Variants in DNAI4 observed in about 807,000 individuals in gnomAD.
The protein encoded by DNAI4 is WD repeat domain 78.
A neutral mutation model predicts 105.8 loss-of-function variants in DNAI4; 85 were observed. The ratio of observed to expected loss-of-function variants is 0.80; its 90% confidence interval spans 0.67 to 0.96. The LOEUF (loss-of-function observed/expected upper bound fraction) is 0.96. Ranked by LOEUF, DNAI4 falls within the 40% of genes least tolerant of loss-of-function variation. The probability of loss-of-function intolerance (pLI) is 0.00; values close to 1 mark genes in which losing one functional copy is unlikely to be tolerated. For missense variants in DNAI4, 1,014 were observed against 1,005.6 expected (o/e 1.01, Z -0.11); for synonymous variants, 352 against 331.5 (o/e 1.06, Z -0.67).
At chr1:66,851,709 G>A (rs1258325116) in intron 7 of DNAI4, among the ~76,000 whole-genome samples, 3 of 151,638 alleles carry the variant, frequency 2.0e-5, no homozygotes, top group Admixed American at 6.6e-5. Context: ...GAAGTCTCAA[G>A]GGAAATAAAA....
chr1:66,913,595 G>A (rs1396826014), intron 1 of DNAI4, among the ~76,000 whole-genome samples: 1 of 152,050 alleles, frequency 6.6e-6, no homozygotes, highest in Non-Finnish European at 1.5e-5. Context: ...TTTTAAAAAT[G>A]GCTTGCCCAG....
chr1:66,878,886 C>G (rs1647010878), intron 4 of DNAI4, among the ~76,000 whole-genome samples: 7 of 152,074 alleles, frequency 4.6e-5, no homozygotes, highest in Admixed American at 4.6e-4. Flanking sequence ...ATCTTATAGC[C>G]TCTACTCATT....
At chr1:66,912,757 T>G (rs1048921422) in intron 1 of DNAI4, among the ~76,000 whole-genome samples, 15 of 152,308 alleles carry the variant, frequency 9.8e-5, no homozygotes, top group Admixed American at 7.8e-4. Context: ...CTCAAATTTT[T>G]GGGGTTCACA....
At position 66,840,607 on chromosome 1, in the gene DNAI4, T is replaced by C. The variant is rs972494098; in HGVS notation, c.1356A>G (p.Glu452=). ...TTTCTTCTTCCTCCTCCTTCTTAGA[T>C]TCTTCCTCTACCTCTTCATGTTTTG... ...ESAKHEEVEE[E]SKKEEEEEIH... Residue 452 remains glutamate (E), a synonymous_variant, in exon 9 of 17, where the codon GAA becomes GAG. Coordinates refer to ENST00000371026, the MANE Select transcript of DNAI4 (RefSeq NM_024763.5). 2.5e-6 allele frequency: 4 copies of C among 1,614,078 alleles called. No homozygotes were observed. In the African/African-American group the frequency reaches 4.0e-5, roughly 16 times the overall value.
At chr1:66,881,031 G>A (rs1024310899) in intron 4 of DNAI4, among the ~76,000 whole-genome samples, 10 of 152,222 alleles carry the variant, frequency 6.6e-5, no homozygotes, top group African/African-American at 2.4e-4. Context: ...AGCCTTGGCA[G>A]CTTCCATGTG....
intron 1 of DNAI4, among the ~76,000 whole-genome samples, chr1:66,915,455 C>A (rs1180943360): frequency 6.6e-6 from 1 of 152,080 alleles, no homozygotes; most frequent in Non-Finnish European, 1.5e-5. Context: ...AACTTTAAAT[C>A]ATGACTACTG....
intron 7 of DNAI4, among the ~76,000 whole-genome samples, chr1:66,859,308 T>C (rs1183971711): frequency 6.6e-6 from 1 of 151,990 alleles, no homozygotes; most frequent in Non-Finnish European, 1.5e-5. Context: ...AAATACCAAA[T>C]GCTGGCAAGA....
In DNAI4 at chr1:66,893,037, AAGAAAGAAAGAAAGAAAGAGAGAGAG is replaced by A. The variant is rs1647886303; in HGVS notation, c.530+166_530+191del. On this transcript the variant is annotated intron_variant, in intron 3 of 16. Transcript: ENST00000371026. ...AGGAAAGAAAGAAAGAAAGAGAGGA[AAGAAAGAAAGAAAGAAAGAGAGAGAG>A]AGAAAGAAAGAAAGAAAGAAAGAAA... 4.4e-5 allele frequency among the ~76,000 whole-genome samples: 5 copies of A among 112,728 alleles called. 1 individual carries two copies. The highest frequency in any genetic ancestry group is 8.7e-5 in the Admixed American group (1 of 11,488). 74.0% of individuals were successfully genotyped at this position (112,728 alleles called of 152,430 possible). A position where few individuals can be genotyped will look rare whatever the true frequency, so the allele number is the denominator to read the frequency against.
chr1:66,862,412 C>A, intron 6 of DNAI4, 110 bp from the exon 7 acceptor site: 1 of 1,195,112 alleles, frequency 8.4e-7, no homozygotes, highest in Non-Finnish European at 1.2e-6. Context: ...CTACTATTGC[C>A]TGATGCAGTT....
chr1:66,867,465 CTT>C (rs1646756770), intron 6 of DNAI4, among the ~76,000 whole-genome samples: 1 of 151,918 alleles, frequency 6.6e-6, no homozygotes, highest in Non-Finnish European at 1.5e-5. Flanking sequence ...TTTTCCATCT[CTT>C]TGTTTTTCTT....
Position 66,813,087 on chromosome 1 carries a change from T to C in DNAI4, c.*1043A>G, listed in dbSNP as rs1194347555. On this transcript the variant is annotated 3_prime_UTR_variant, in exon 17 of 17. Transcript: ENST00000371026. Reference sequence around the variant, plus strand: ...GATTGGTCCAAACAAATGGAGTTTATGAAGCAATGGATACTTGTAAAAGGT... The same window carrying C: ...GATTGGTCCAAACAAATGGAGTTTACGAAGCAATGGATACTTGTAAAAGGT... The C allele has an allele frequency of 6.6e-6, 1 of 152,358 alleles. No homozygotes were observed. The highest frequency in any genetic ancestry group is 1.5e-5 in the Non-Finnish European group (1 of 68,046). The allele number at this position is 152,358 out of a possible 1,614,324, so 9.4% of individuals were successfully genotyped here. A position where few individuals can be genotyped will look rare whatever the true frequency, so the allele number is the denominator to read the frequency against.
chr1:66,903,825 T>C (rs1280241929), intron 2 of DNAI4, among the ~76,000 whole-genome samples: 1 of 152,158 alleles, frequency 6.6e-6, no homozygotes, highest in Non-Finnish European at 1.5e-5. Context: ...CCTTGCTCAG[T>C]TGCCCTGGCT....
intron 7 of DNAI4, chr1:66,860,778 T>A (rs1237248890): frequency 6.6e-6 from 1 of 152,150 alleles, no homozygotes; most frequent in African/African-American, 2.4e-5. Context: ...AAAGTCCCAG[T>A]GTAATTTCCA....
In DNAI4 at chr1:66,821,325, C is replaced by T. The variant is rs183197835; in HGVS notation, c.2496+1036G>A. 9.3e-4 allele frequency among the ~76,000 whole-genome samples: 142 copies of T among 152,124 alleles called. 4 individuals are homozygous for T. The East Asian group carries it at 0.026, about 27-fold the overall frequency. On this transcript the variant is annotated intron_variant, in intron 16 of 16. Transcript: ENST00000371026. ...TATTGGCCAGGCTGCTCTTGAACTC[C>T]TGACCTCAAGTGATGCACCTGCCTC...
At chr1:66,834,743 T>C (rs1164456269) in intron 11 of DNAI4, among the ~76,000 whole-genome samples, 1 of 152,150 alleles carries the variant, frequency 6.6e-6, no homozygotes, top group Non-Finnish European at 1.5e-5. Flanking sequence ...CTTTTCGTGG[T>C]ACTGACTACC....
rs746684080 is a variant in DNAI4 at position 66,905,323 on chromosome 1, C to T, written c.223G>A (p.Ala75Thr). Residue 75 changes from alanine to threonine, a missense_variant, in exon 2 of 17, where the codon GCA (alanine) becomes ACA (threonine). Coordinates refer to ENST00000371026, the MANE Select transcript of DNAI4 (RefSeq NM_024763.5). ...KSISFFATMK[A>T]TSVKGYTGAN... ...CCAGTATATCCTTTCACTGAAGTTG[C>T]TTTCATTGTAGCAAAAAAGCTAATA... 3.9e-6 allele frequency: 6 copies of T among 1,524,928 alleles called. No homozygotes were observed. In the East Asian group the frequency reaches 1.2e-4, roughly 29 times the overall value. The allele number at this position is 1,524,928 out of a possible 1,614,324, so 94.5% of individuals were successfully genotyped here.
chr1:66,869,485 G>A (rs1646797166), intron 6 of DNAI4, among the ~76,000 whole-genome samples: 1 of 151,916 alleles, frequency 6.6e-6, no homozygotes, highest in African/African-American at 2.4e-5. Flanking sequence ...GTTACATACA[G>A]TAATCCATTT....
intron 2 of DNAI4, among the ~76,000 whole-genome samples, chr1:66,897,262 A>G (rs990703140): frequency 7.2e-5 from 11 of 152,208 alleles, no homozygotes; most frequent in Non-Finnish European, 1.3e-4. Context: ...CAAAATAAAT[A>G]TTAATATCTA....
intron 2 of DNAI4, among the ~76,000 whole-genome samples, chr1:66,900,695 T>A (rs1648743759): frequency 6.6e-6 from 1 of 152,240 alleles, no homozygotes. Context: ...AATTTTCAAA[T>A]GGTTCTATGC....
Sources: gnomAD v4.1 joint callset for allele counts (sites outside exome capture counted in the v4.1 genomes callset) on GRCh38, gnomAD v4.1.1 for gene constraint, MANE v1.5 for transcripts, NCBI Gene and HGNC (gene_info 2026-07-23, HGNC 2026-07-21) for gene names.